Variants in WDFY4 observed in about 807,000 individuals in gnomAD.
WDFY4 encodes the protein WD repeat- and FYVE domain-containing protein 4.
A neutral mutation model predicts 351.9 loss-of-function variants in WDFY4; 169 were observed. The observed-to-expected ratio is 0.48, with a 90% CI of 0.42 to 0.55. WDFY4 has a LOEUF of 0.55. Among genes scored for constraint, WDFY4 ranks in the 20% least tolerant of loss-of-function variants. The pLI is 0.00. For synonymous variants in WDFY4, 1,622 were observed against 1,574.6 expected (o/e 1.03, Z -0.71); for missense variants, 3,803 against 3,935.6 (o/e 0.97, Z 0.90).
intron 36 of WDFY4, among the ~76,000 whole-genome samples, chr10:48,827,718 A>G (rs1264720049): frequency 1.3e-5 from 2 of 151,748 alleles, no homozygotes; most frequent in African/African-American, 4.8e-5. Context: ...CACTTGAAAA[A>G]AAAACAATCC....
rs1000459525 is a variant in WDFY4, at chr10:48,951,609, C to G, written c.7977+4640C>G. Reference sequence around the variant, plus strand: ...AAACAAACAAGCAAACAAAAACAAACAAACAAAAACAAAGAAACAAAAAAA... The same window carrying G: ...AAACAAACAAGCAAACAAAAACAAAGAAACAAAAACAAAGAAACAAAAAAA... On this transcript the variant is annotated intron_variant, in intron 51 of 61. Coordinates refer to ENST00000325239, the MANE Select transcript of WDFY4 (RefSeq NM_001394531.1). Among the ~76,000 whole-genome samples, 11 of 152,014 alleles carry G rather than the reference C, an allele frequency of 7.2e-5. 1 individual carries two copies. Among genetic ancestry groups the G allele is most frequent in the Non-Finnish European group, 1.5e-5 (1 of 67,974 alleles).
At chr10:48,781,999 A>AT (rs950560405) in intron 19 of WDFY4, among the ~76,000 whole-genome samples, 1 of 152,204 alleles carries the variant, frequency 6.6e-6, no homozygotes, top group Non-Finnish European at 1.5e-5. Flanking sequence ...AACTAGATTC[A>AT]TTTTAGGTGA....
chr10:48,948,817 A>C (rs1214425615), intron 51 of WDFY4, among the ~76,000 whole-genome samples: 1 of 152,222 alleles, frequency 6.6e-6, no homozygotes, highest in East Asian at 1.9e-4. Flanking sequence ...ATCTAATCTG[A>C]GCAGGTCTGA....
intron 41 of WDFY4, among the ~76,000 whole-genome samples, chr10:48,874,814 A>G (rs920100799): frequency 2.0e-5 from 3 of 152,152 alleles, no homozygotes; most frequent in Admixed American, 2.0e-4. Context: ...TGAGGATGCT[A>G]TCTAATCCCA....
intron 39 of WDFY4, among the ~76,000 whole-genome samples, chr10:48,864,047 T>G (rs987364567): frequency 2.0e-5 from 3 of 152,114 alleles, no homozygotes; most frequent in Non-Finnish European, 4.4e-5. Context: ...TGATGGGGAT[T>G]TGGGGGATTG....
At chr10:48,969,320 C>T in intron 56 of WDFY4, 72 bp downstream of exon 56, 1 of 1,518,380 alleles carries the variant, frequency 6.6e-7, no homozygotes, top group Non-Finnish European at 8.9e-7. Context: ...AGAGATGGCC[C>T]AGAGATAAGT....
chr10:48,842,906 T>C (rs2068657142), intron 39 of WDFY4, among the ~76,000 whole-genome samples: 1 of 152,178 alleles, frequency 6.6e-6, no homozygotes. Flanking sequence ...GTGACCCAAA[T>C]GCCATCTCTT....
At chr10:48,696,012 C>T (rs2063322037) in intron 1 of WDFY4, among the ~76,000 whole-genome samples, 2 of 152,162 alleles carry the variant, frequency 1.3e-5, no homozygotes, top group South Asian at 4.1e-4. Context: ...GGTTTGCTGA[C>T]CTGCCTAGTT....
intron 12 of WDFY4, among the ~76,000 whole-genome samples, chr10:48,747,669 A>G (rs2065055325): frequency 6.6e-6 from 1 of 152,230 alleles, no homozygotes; most frequent in Non-Finnish European, 1.5e-5. Flanking sequence ...TTTCAATGAC[A>G]GTATTTTATA....
At chr10:48,874,636 A>C (rs1480346027) in intron 41 of WDFY4, among the ~76,000 whole-genome samples, 1 of 152,086 alleles carries the variant, frequency 6.6e-6, no homozygotes, top group Non-Finnish European at 1.5e-5. Context: ...TACATTTTTT[A>C]GGAATAGGAA....
At chr10:48,778,901 C>T in intron 18 of WDFY4, 69 bp downstream of exon 18, 1 of 1,502,496 alleles carries the variant, frequency 6.7e-7, no homozygotes, top group Middle Eastern at 1.8e-4. Context: ...CAGAAGCTCT[C>T]AACACAGGTG....
intron 37 of WDFY4, among the ~76,000 whole-genome samples, chr10:48,829,408 G>C (rs2068113620): frequency 1.3e-5 from 2 of 152,190 alleles, no homozygotes; most frequent in African/African-American, 4.8e-5. Context: ...TCAAGTTAAA[G>C]GGATTAGCAG....
chr10:48,974,720 C>A, intron 57 of WDFY4, 142 bp from the exon 58 acceptor site: 1 of 859,344 alleles, frequency 1.2e-6, no homozygotes, highest in Non-Finnish European at 1.7e-6. Flanking sequence ...CCCAGCTGCA[C>A]AGACAACAGA....
chr10:48,746,922 A>G (rs115901449), intron 12 of WDFY4, among the ~76,000 whole-genome samples: 2,400 of 152,282 alleles, frequency 0.016, 61 homozygotes, highest in African/African-American at 0.054. Context: ...TTGTTGTTTT[A>G]TAAAATATTC....
intron 47 of WDFY4, among the ~76,000 whole-genome samples, chr10:48,920,955 G>C (rs958222901): frequency 1.3e-5 from 2 of 152,008 alleles, no homozygotes; most frequent in Non-Finnish European, 2.9e-5. Flanking sequence ...AAAATATGCA[G>C]GATTTTTATA....
intron 40 of WDFY4, among the ~76,000 whole-genome samples, chr10:48,870,367 C>T (rs1030897633): frequency 3.3e-5 from 5 of 151,814 alleles, no homozygotes; most frequent in African/African-American, 1.2e-4. Flanking sequence ...GAGACCCCAA[C>T]TCAAAAAAAA....
At chr10:48,843,009 C>A (rs2068661200) in intron 39 of WDFY4, among the ~76,000 whole-genome samples, 1 of 152,196 alleles carries the variant, frequency 6.6e-6, no homozygotes, top group Non-Finnish European at 1.5e-5. Flanking sequence ...ACCCTTCCAA[C>A]AAGGAAGGCA....
intron 61 of WDFY4, among the ~76,000 whole-genome samples, chr10:48,981,782 C>G (rs1005432678): frequency 3.9e-5 from 6 of 152,202 alleles, no homozygotes; most frequent in African/African-American, 1.4e-4. Context: ...TAATTTTATC[C>G]TAAAGAGAGC....
chr10:48,849,678 A>G (rs549130488), intron 39 of WDFY4, among the ~76,000 whole-genome samples: 2 of 152,272 alleles, frequency 1.3e-5, no homozygotes, highest in East Asian at 3.9e-4. Flanking sequence ...ATTCACATTC[A>G]CTACTTCCAT....
Sources: gnomAD v4.1 joint callset for allele counts (sites outside exome capture counted in the v4.1 genomes callset) on GRCh38, gnomAD v4.1.1 for gene constraint, MANE v1.5 for transcripts, NCBI Gene and HGNC (gene_info 2026-07-23, HGNC 2026-07-21) for gene names.